The following NRG1 variants were observed in gnomAD, a reference collection of about 807,000 sequenced individuals.
NRG1 encodes pro-neuregulin-1, membrane-bound isoform.
Under a neutral mutation model 63.8 loss-of-function variants are expected in NRG1, and 18 were observed. The ratio of observed to expected loss-of-function variants is 0.28; its 90% CI spans 0.19 to 0.42. The LOEUF (loss-of-function observed/expected upper bound fraction) is 0.42, where lower values mean the gene tolerates loss of function less well. Among genes scored for constraint, NRG1 ranks in the 10% least tolerant of loss-of-function variants. The pLI, the probability that NRG1 is intolerant of heterozygous loss-of-function variation, is 1.00. For synonymous variants in NRG1, 302 were observed against 301.3 expected (o/e 1.00, Z -0.02); for missense variants, 762 against 814.7 (o/e 0.94, Z 0.79).
intron 1 of NRG1, among the ~76,000 whole-genome samples, chr8:31,678,699 T>C (rs1377867858): frequency 6.7e-6 from 1 of 149,074 alleles, no homozygotes; most frequent in Non-Finnish European, 1.5e-5. Context: ...TTTAATGTTA[T>C]AGCATATTAA....
intron 1 of NRG1, among the ~76,000 whole-genome samples, chr8:31,800,030 A>T (rs1296778451): frequency 6.6e-6 from 1 of 152,200 alleles, no homozygotes; most frequent in Admixed American, 6.5e-5. Context: ...TCTCTTGGAA[A>T]CATCGTCATC....
chr8:32,420,670 T>C (rs1816602711), intron 1 of NRG1, among the ~76,000 whole-genome samples: 1 of 152,146 alleles, frequency 6.6e-6, no homozygotes, highest in Admixed American at 6.5e-5. Context: ...TTTGCTCTCA[T>C]AACAGTGCTT....
intron 1 of NRG1, among the ~76,000 whole-genome samples, chr8:32,238,965 A>C (rs557720160): frequency 6.6e-6 from 1 of 152,116 alleles, no homozygotes; most frequent in Non-Finnish European, 1.5e-5. Flanking sequence ...TGGAGGAGAA[A>C]AACACAGAGG....
intron 1 of NRG1, among the ~76,000 whole-genome samples, chr8:32,290,203 T>G (rs1014148762): frequency 1.3e-5 from 2 of 152,136 alleles, no homozygotes; most frequent in Admixed American, 6.5e-5. Flanking sequence ...ATCACACCAC[T>G]GCTCTCCAGC....
intron 1 of NRG1, among the ~76,000 whole-genome samples, chr8:31,992,792 T>C (rs1811314399): frequency 6.6e-6 from 1 of 151,972 alleles, no homozygotes; most frequent in African/African-American, 2.4e-5. Context: ...CATTGCAAAA[T>C]AGGATTAAAA....
chr8:32,196,118 A>AGTGTGTGTGTGTGT lies in NRG1; in HGVS notation c.38-399689_38-399676dup, dbSNP rs55951634. Among the ~76,000 whole-genome samples, 622 of 146,940 alleles carry AGTGTGTGTGTGTGT rather than the reference A, an allele frequency of 4.2e-3. 2 individuals are homozygous for AGTGTGTGTGTGTGT. The highest frequency in any genetic ancestry group is 0.014 in the Middle Eastern group (4 of 288). ...CAAATAATGTGCAGTAAAAACAATGAGTGTGTGTGTGTGTGTGTGTGTGTG... is the reference window on the plus strand; with the variant it reads ...CAAATAATGTGCAGTAAAAACAATGAGTGTGTGTGTGTGTGTGTGTGTGTGTGTGTGTGTGTGTG... On this transcript the variant is annotated intron_variant, in intron 1 of 10. Transcript: ENST00000519301.
At chr8:32,251,897 A>G (rs1849154641) in intron 1 of NRG1, among the ~76,000 whole-genome samples, 1 of 75,798 alleles carries the variant, frequency 1.3e-5, no homozygotes, top group Admixed American at 1.7e-4. Context: ...TGTTAGCTGC[A>G]TAATGTCATT....
chr8:32,556,848 C>CG (rs1835266388), intron 1 of NRG1, among the ~76,000 whole-genome samples: 1 of 152,210 alleles, frequency 6.6e-6, no homozygotes, highest in Non-Finnish European at 1.5e-5. Flanking sequence ...GTCTCTTTAG[C>CG]AATCCCACAG....
At chr8:32,339,623 T>C (rs1803791406) in intron 1 of NRG1, among the ~76,000 whole-genome samples, 1 of 152,228 alleles carries the variant, frequency 6.6e-6, no homozygotes, top group South Asian at 2.1e-4. Context: ...CTAAGAGCTT[T>C]ATTTACATGC....
intron 1 of NRG1, among the ~76,000 whole-genome samples, chr8:32,559,831 CAAAAAAATACA>C (rs751530666): frequency 9.6e-4 from 101 of 105,074 alleles, no homozygotes; most frequent in Non-Finnish European, 1.5e-3. Flanking sequence ...TCTGTCTCTA[CAAAAAAATACA>C]AAAAAAAAAA....
intron 1 of NRG1, among the ~76,000 whole-genome samples, chr8:31,806,291 A>G (rs544517070): frequency 6.6e-6 from 1 of 152,192 alleles, no homozygotes; most frequent in Non-Finnish European, 1.5e-5. Flanking sequence ...AATGATTTAC[A>G]TGAATGTCAA....
intron 1 of NRG1, among the ~76,000 whole-genome samples, chr8:32,255,456 A>C (rs1024445192): frequency 2.0e-5 from 3 of 152,210 alleles, no homozygotes; most frequent in South Asian, 4.1e-4. Context: ...TATGAAGCTT[A>C]GTTTGGCTGG....
At chr8:32,574,810 T>C (rs559259513) in intron 1 of NRG1, among the ~76,000 whole-genome samples, 3 of 152,310 alleles carry the variant, frequency 2.0e-5, no homozygotes, top group East Asian at 3.9e-4. Flanking sequence ...TTTACAGCAA[T>C]GCAAGAATGG....
Position 31,796,814 on chromosome 8 carries a change from C to T in NRG1, c.37+157383C>T, listed in dbSNP as rs535702307. Among the ~76,000 whole-genome samples, 3 of 152,240 alleles carry T rather than the reference C, an allele frequency of 2.0e-5. No individual in the cohort carries two copies. The East Asian group carries it at 5.8e-4, about 30-fold the overall frequency. ...ATTTGGAAAGACAAGTTAGTCCTGA[C>T]TTCCATGGAAATGTTTTTTTTCCAA... On this transcript the variant is annotated intron_variant, in intron 1 of 10. Coordinates refer to the NRG1 transcript ENST00000519301.
chr8:31,892,652 C>A (rs1419156534), intron 1 of NRG1, among the ~76,000 whole-genome samples: 1 of 151,986 alleles, frequency 6.6e-6, no homozygotes, highest in Non-Finnish European at 1.5e-5. Context: ...GTTTGATAAT[C>A]CCTGTTTATT....
intron 1 of NRG1, among the ~76,000 whole-genome samples, chr8:32,312,153 G>GTTTTTTTTTTTT (rs767575805): frequency 3.1e-5 from 3 of 98,204 alleles, no homozygotes; most frequent in East Asian, 2.8e-4. Context: ...ATTTGACCTT[G>GTTTTTTTTTTTT]TTTGTTTTTT....
chr8:32,771,307 G>A (rs1269317391), downstream of NRG1, among the ~76,000 whole-genome samples: 1 of 84,058 alleles, frequency 1.2e-5, no homozygotes, highest in East Asian at 3.4e-4. Flanking sequence ...TTTTTTTTTG[G>A]TAGGGACAAG....
chr8:32,353,126 A>C lies in NRG1; in HGVS notation c.38-242702A>C, dbSNP rs577409634. Among the ~76,000 whole-genome samples, 30 of 150,768 alleles carry C rather than the reference A, an allele frequency of 2.0e-4. No individual in the cohort carries two copies. The South Asian group carries it at 5.0e-3, about 25-fold the overall frequency. Reference sequence around the variant, plus strand: ...TCCTCAAAAAATAATAAATAAGAATAATAAGAAATTGCACTGGTATCTGAA... The same window carrying C: ...TCCTCAAAAAATAATAAATAAGAATCATAAGAAATTGCACTGGTATCTGAA... On this transcript the variant is annotated intron_variant, in intron 1 of 10. Coordinates refer to the NRG1 transcript ENST00000519301.
chr8:31,757,509 C>T (rs774720578), intron 1 of NRG1, among the ~76,000 whole-genome samples: 4 of 151,922 alleles, frequency 2.6e-5, no homozygotes, highest in Non-Finnish European at 4.4e-5. Context: ...TTTAGAAAAG[C>T]GAATAAGTAA....
Sources: gnomAD v4.1 joint callset for allele counts (sites outside exome capture counted in the v4.1 genomes callset) on GRCh38, gnomAD v4.1.1 for gene constraint, MANE v1.5 for transcripts, NCBI Gene and HGNC (gene_info 2026-07-23, HGNC 2026-07-21) for gene names.